Variants in PRPH observed in about 807,000 individuals in gnomAD.
The protein encoded by PRPH is neurofilament 4 (57kD).
Under a neutral mutation model 52.6 loss-of-function variants are expected in PRPH, and 48 were observed. That is an observed-to-expected ratio of 0.91 (90% CI 0.72 to 1.16). The LOEUF (loss-of-function observed/expected upper bound fraction) is 1.16, where lower values mean the gene tolerates loss of function less well. Among genes scored for constraint, PRPH ranks in the 50% most tolerant of loss-of-function variants. The probability of loss-of-function intolerance (pLI) is 0.00; values close to 1 mark genes in which losing one functional copy is unlikely to be tolerated. For synonymous variants in PRPH, 279 were observed against 283.8 expected, an observed-to-expected ratio of 0.98 and a Z score of 0.17; for missense variants, 579 against 635.7, an observed-to-expected ratio of 0.91 and a Z score of 0.96.
Position 49,296,549 on chromosome 12 carries a change from G to A in PRPH, c.702+22G>A, listed in dbSNP as rs367664991. ...GGAGGTAAGTGGGCCCGGTATCAGG[G>A]GCGGTTTCTGAGGTTGTGGGGTGGT... On this transcript the variant is annotated intron_variant, in intron 3 of 8. Coordinates refer to ENST00000257860, the MANE Select transcript of PRPH (RefSeq NM_006262.4). The surrounding 1 kb of genome is among the most constrained non-coding windows in gnomAD (Gnocchi z 5.1). 3.5e-5 allele frequency: 56 copies of A among 1,610,436 alleles called. No homozygotes were observed. The Admixed American group carries it at 4.8e-4, about 14-fold the overall frequency.
chr12:49,297,382 G>A lies in PRPH; in HGVS notation c.1022G>A (p.Arg341Lys). Residue 341 changes from arginine (R) to lysine (K), a missense_variant, in exon 6 of 9, where the codon AGA becomes AAA. Transcript: ENST00000257860. The surrounding 1 kb of genome is among the most constrained non-coding windows in gnomAD (Gnocchi z 4.4). ...GTNEALLRQL[R>K]ELEEQFALEA... ...AACGAGGCGCTGCTCAGGCAGTTGA[G>A]AGAGCTGGAGGAGCAGTTCGCCCTG... The A allele has an allele frequency of 6.2e-7, 1 of 1,613,654 alleles. No homozygotes were observed. Among genetic ancestry groups the A allele is most frequent in the Non-Finnish European group, 8.5e-7 (1 of 1,179,948 alleles).
In PRPH at chr12:49,295,716, G is replaced by T. The variant is rs1334968428; in HGVS notation, c.516G>T (p.Leu172=). 6.6e-7 allele frequency: 1 copy of T among 1,523,672 alleles called. No homozygotes were observed. Among genetic ancestry groups the T allele is most frequent in the Non-Finnish European group, 8.8e-7 (1 of 1,141,250 alleles). The allele number at this position is 1,523,672 out of a possible 1,614,324, so 94.4% of individuals were successfully genotyped here. Residue 172 remains leucine (L), a synonymous_variant, in exon 1 of 9, where the codon CTG becomes CTT. Coordinates refer to ENST00000257860, the MANE Select transcript of PRPH (RefSeq NM_006262.4). ...RDRVQVERDG[L]AEDLAALKQR... The stretch of plus-strand genomic sequence containing the variant: ...GGGTGCAGGTGGAGCGCGACGGGCT[G>T]GCGGAGGACCTGGCGGCGCTCAAGC...
chr12:49,295,924 AC>A, intron 1 of PRPH, 179 bp downstream of exon 1: 1 of 1,443,278 alleles, frequency 6.9e-7, no homozygotes, highest in East Asian at 2.5e-5. Context: ...GCCCCCCGCT[AC>A]CCCTTTGCTC....
In PRPH at chr12:49,297,897, G is replaced by A. The variant is rs1943210290; in HGVS notation, c.1268-61G>A. On this transcript the variant is annotated intron_variant, in intron 7 of 8. Coordinates refer to ENST00000257860, the MANE Select transcript of PRPH (RefSeq NM_006262.4). This position sits in a 1 kb window ranked among gnomAD's most constrained non-coding sequence, Gnocchi z 4.4. The stretch of plus-strand genomic sequence containing the variant: ...CCCCTGCCCTCAGGGATAGCAGTGG[G>A]AGCCTAAGAGGAGAGATTCCCACGC... 2 of 1,599,646 alleles carry A rather than the reference G, an allele frequency of 1.3e-6. No individual in the cohort carries two copies. The highest frequency in any genetic ancestry group is 1.7e-5 in the Admixed American group (1 of 59,990).
chr12:49,297,418 GC>G lies in PRPH; in HGVS notation c.1059del (p.Tyr354ThrfsTer15). ...LEEQFALEAGGYQAGAARLEE... is the reference protein window; with the variant it reads ...LEEQFALEAGXYQAGAARLEE... The stretch of plus-strand genomic sequence containing the variant: ...GAGCAGTTCGCCCTGGAGGCGGGGG[GC>G]TACCAGGCGGGCGCTGCGCGGCTCG... On this transcript the variant is annotated frameshift_variant, in exon 6 of 9. Transcript: ENST00000257860. LOFTEE classifies it high-confidence loss of function. The surrounding 1 kb of genome is among the most constrained non-coding windows in gnomAD (Gnocchi z 4.4). 1 of 1,613,276 alleles carries G rather than the reference GC, an allele frequency of 6.2e-7. No individual in the cohort carries two copies.
chr12:49,295,387 C>A lies in PRPH; in HGVS notation c.187C>A (p.Pro63Thr). The A allele has an allele frequency of 6.2e-7, 1 of 1,607,212 alleles. No individual in the cohort carries two copies. Among genetic ancestry groups the A allele is most frequent in the Non-Finnish European group, 8.5e-7 (1 of 1,177,768 alleles). The change falls in exon 1 of 9, where the codon CCC becomes ACC. Residue 63 changes from proline (P) to threonine (T), a missense_variant. Pro to Thr is a conservative substitution (Grantham distance 38). Coordinates refer to ENST00000257860, the MANE Select transcript of PRPH (RefSeq NM_006262.4). ...SSVRLGSFRS[P>T]RAGAGALLRL... ...GGTGCGCCTGGGCAGCTTCCGTAGC[C>A]CCCGAGCGGGAGCGGGCGCCCTCCT...
In PRPH at chr12:49,298,572, G is replaced by A. The variant is rs1027674203; in HGVS notation, c.*219G>A. 1.7e-4 allele frequency: 97 copies of A among 574,084 alleles called. No individual in the cohort carries two copies. The East Asian group carries it at 2.3e-3, about 14-fold the overall frequency. The allele number at this position is 574,084 out of a possible 1,614,324, so 35.6% of individuals were successfully genotyped here. A position where few individuals can be genotyped will look rare whatever the true frequency, so the allele number is the denominator to read the frequency against. ...CTATGTGCTTCCCTTTTCATGTCCC[G>A]ATAAGAAGCCAATGATCCCCCCTCA... On this transcript the variant is annotated 3_prime_UTR_variant, in exon 9 of 9. Coordinates refer to ENST00000257860, the MANE Select transcript of PRPH (RefSeq NM_006262.4).
chr12:49,296,554 T>C lies in PRPH; in HGVS notation c.702+27T>C, dbSNP rs2070760. On this transcript the variant is annotated intron_variant, in intron 3 of 8. Coordinates refer to ENST00000257860, the MANE Select transcript of PRPH (RefSeq NM_006262.4). This position sits in a 1 kb window ranked among gnomAD's most constrained non-coding sequence, Gnocchi z 5.1. ...TAAGTGGGCCCGGTATCAGGGGCGG[T>C]TTCTGAGGTTGTGGGGTGGTCTCGC... 338,640 of 1,602,650 alleles carry C rather than the reference T, an allele frequency of 0.21. 41,412 individuals carry two copies. The highest frequency in any genetic ancestry group is 0.55 in the African/African-American group (40,628 of 74,508).
In PRPH at chr12:49,298,010, C is replaced by T. The variant is rs761922294; in HGVS notation, c.1320C>T (p.Ile440=). 6.2e-7 allele frequency: 1 copy of T among 1,614,226 alleles called. No homozygotes were observed. Residue 440 remains isoleucine (I), a synonymous_variant, in exon 8 of 9, where the codon ATC becomes ATT. Coordinates refer to ENST00000257860, the MANE Select transcript of PRPH (RefSeq NM_006262.4). ...QDSHSRKTVL[I]KTIETRNGEV... ...GCCACAGCCGGAAGACGGTTCTGAT[C>T]AAGACCATTGAGACCCGGAATGGGG...
chr12:49,298,181 G>A, intron 8 of PRPH, 107 bp from the exon 9 acceptor site: 1 of 1,495,372 alleles, frequency 6.7e-7, no homozygotes, highest in Non-Finnish European at 9.2e-7. Context: ...TAGATAACCA[G>A]GAGCCTCTGC....
rs565672414 is a variant in PRPH at position 49,295,575 on chromosome 12, G to T, written c.375G>T (p.Leu125=). 3.2e-6 allele frequency: 5 copies of T among 1,562,676 alleles called. 1 individual carries two copies. In the South Asian group the frequency reaches 3.5e-5, roughly 11 times the overall value. Residue 125 remains leucine (L), a synonymous_variant, in exon 1 of 9, where the codon CTG becomes CTT. Transcript: ENST00000257860. ...VRFLEQQNAA[L]RGELSQARGQ... ...TTCTGGAGCAGCAGAACGCGGCCCTGCGCGGGGAGCTGAGCCAAGCCCGGG... is the reference window on the plus strand; with the variant it reads ...TTCTGGAGCAGCAGAACGCGGCCCTTCGCGGGGAGCTGAGCCAAGCCCGGG...
At position 49,296,917 on chromosome 12, in the gene PRPH, A is replaced by G; in HGVS notation, c.731A>G (p.Glu244Gly). 6.2e-7 allele frequency: 1 copy of G among 1,613,034 alleles called. No individual in the cohort carries two copies. Among genetic ancestry groups the G allele is most frequent in the Non-Finnish European group, 8.5e-7 (1 of 1,179,770 alleles). The change falls in exon 4 of 9, where the codon GAG becomes GGG. Residue 244 changes from glutamate (E) to glycine (G), a missense_variant. By Grantham distance (98) the Glu-to-Gly change is moderately conservative. Coordinates refer to ENST00000257860, the MANE Select transcript of PRPH (RefSeq NM_006262.4). The surrounding 1 kb of genome is among the most constrained non-coding windows in gnomAD (Gnocchi z 5.1). ...EELRDLQVSV[E>G]SQQVQQVEVE... ...CTGCGAGACCTGCAGGTGAGTGTGGAGAGCCAGCAGGTGCAGCAGGTGGAG... is the reference window on the plus strand; with the variant it reads ...CTGCGAGACCTGCAGGTGAGTGTGGGGAGCCAGCAGGTGCAGCAGGTGGAG...
rs371875123 is a variant in PRPH at position 49,297,775 on chromosome 12, C to T, written c.1267+49C>T. 11 of 1,610,418 alleles carry T rather than the reference C, an allele frequency of 6.8e-6. No homozygotes were observed. The highest frequency in any genetic ancestry group is 9.3e-6 in the Non-Finnish European group (11 of 1,177,154). On this transcript the variant is annotated intron_variant, in intron 7 of 8. Transcript: ENST00000257860. The surrounding 1 kb of genome is among the most constrained non-coding windows in gnomAD (Gnocchi z 4.4). ...CCTCTCCTTGTCCACTTCTGCCCTC[C>T]TCGGGCTCTTGCTCTGGCTCACCTC...
chr12:49,296,289 C>G lies in PRPH; in HGVS notation c.606+51C>G. The G allele has an allele frequency of 6.2e-7, 1 of 1,602,660 alleles. No individual in the cohort carries two copies. The highest frequency in any genetic ancestry group is 8.5e-7 in the Non-Finnish European group (1 of 1,172,236). ...CAGCCTCCCCACCGCTACCCCCGAT[C>G]TCAGTATCCAGAGGTGGCATCGGTG... is the stretch of plus-strand genomic sequence containing the variant. On this transcript the variant is annotated intron_variant, in intron 2 of 8. Coordinates refer to ENST00000257860, the MANE Select transcript of PRPH (RefSeq NM_006262.4). This position sits in a 1 kb window ranked among gnomAD's most constrained non-coding sequence, Gnocchi z 5.1.
Position 49,297,213 on chromosome 12 carries a change from G to T in PRPH, c.936G>T (p.Met312Ile), listed in dbSNP as rs1429769447. 6.2e-7 allele frequency: 1 copy of T among 1,614,086 alleles called. No individual in the cohort carries two copies. Among genetic ancestry groups the T allele is most frequent in the Admixed American group, 1.7e-5 (1 of 60,020 alleles). Reference protein sequence around the residue: ...HEALRQAKQEMNESRRQIQSL... With the variant: ...HEALRQAKQEINESRRQIQSL... Reference sequence around the variant, plus strand: ...CCCTGCGCCAGGCCAAGCAGGAGATGAACGAGTCCCGACGCCAGATCCAGA... The same window carrying T: ...CCCTGCGCCAGGCCAAGCAGGAGATTAACGAGTCCCGACGCCAGATCCAGA... The change falls in exon 5 of 9, where the codon ATG becomes ATT. Residue 312 changes from methionine to isoleucine, a missense_variant. Physicochemically the swap from Met to Ile is conservative, Grantham distance 10. Transcript: ENST00000257860. This position sits in a 1 kb window ranked among gnomAD's most constrained non-coding sequence, Gnocchi z 4.4.
chr12:49,295,311 C>T lies in PRPH; in HGVS notation c.111C>T (p.Ser37=). The T allele has an allele frequency of 1.2e-6, 2 of 1,611,564 alleles. No individual in the cohort carries two copies. Among genetic ancestry groups the T allele is most frequent in the South Asian group, 1.1e-5 (1 of 90,868 alleles). The change falls in exon 1 of 9, where the codon AGC becomes AGT. Residue 37 remains serine (S), a synonymous_variant. Transcript: ENST00000257860. ...LSPGAFSYSS[S]SRFSSSRLLG... ...CCGGGGCCTTCTCCTACTCGTCCAG[C>T]TCCCGCTTCTCCAGCAGCCGCCTGC...
At chr12:49,298,172 A>G (rs2137041226) in intron 8 of PRPH, 116 bp from the exon 9 acceptor site, 3 of 1,473,124 alleles carry the variant, frequency 2.0e-6, no homozygotes, top group East Asian at 4.7e-5. Flanking sequence ...GAACGTGGAT[A>G]GATAACCAGG....
Position 49,297,740 on chromosome 12 carries a change from A to T in PRPH, c.1267+14A>T, listed in dbSNP as rs1943207614. Reference sequence around the variant, plus strand: ...TAAAGACGACTGGTGAGTCTGGCTTACAGCCTGTACCTCTCCTTGTCCACT... The same window carrying T: ...TAAAGACGACTGGTGAGTCTGGCTTTCAGCCTGTACCTCTCCTTGTCCACT... On this transcript the variant is annotated intron_variant, in intron 7 of 8. Transcript: ENST00000257860. This position sits in a 1 kb window ranked among gnomAD's most constrained non-coding sequence, Gnocchi z 4.4. 2.5e-6 allele frequency: 4 copies of T among 1,611,236 alleles called. No individual in the cohort carries two copies. The highest frequency in any genetic ancestry group is 3.4e-6 in the Non-Finnish European group (4 of 1,178,100).
In PRPH at chr12:49,296,727, G is replaced by A. The variant is rs1218556346; in HGVS notation, c.703-162G>A. ...CAGCGGGGCTGTACCTCCGAAACCT[G>A]GCCTCTGGTCTCGCGCCCGCGGGGG... On this transcript the variant is annotated intron_variant, in intron 3 of 8. Coordinates refer to ENST00000257860, the MANE Select transcript of PRPH (RefSeq NM_006262.4). This position sits in a 1 kb window ranked among gnomAD's most constrained non-coding sequence, Gnocchi z 5.1. 2.4e-6 allele frequency: 3 copies of A among 1,238,860 alleles called. No individual in the cohort carries two copies. The highest frequency in any genetic ancestry group is 2.5e-5 in the East Asian group (1 of 39,348). 76.7% of individuals were successfully genotyped at this position (1,238,860 alleles called of 1,614,324 possible).
Sources: gnomAD v4.1 joint callset for allele counts on GRCh38, gnomAD v4.1.1 for gene constraint, Gnocchi (gnomAD v3.1) non-coding constraint, MANE v1.5 for transcripts, NCBI Gene and HGNC (gene_info 2026-07-23, HGNC 2026-07-21) for gene names.